Variants in RSPH14 observed in about 807,000 individuals in gnomAD.
RSPH14 encodes radial spoke head 14 homolog.
In RSPH14, 20 loss-of-function variants were observed where a neutral mutation model predicts 26.7. The ratio of observed to expected loss-of-function variants is 0.75; its 90% CI spans 0.53 to 1.09. The LOEUF (loss-of-function observed/expected upper bound fraction) is 1.09. Ranked by LOEUF, RSPH14 falls within the 50% of genes least tolerant of loss-of-function variation. The pLI is 0.00. For synonymous variants in RSPH14, 177 were observed against 189.3 expected (o/e 0.93, Z 0.53); for missense variants, 449 against 457.2 (o/e 0.98, Z 0.16).
At chr22:23,068,607 GGAC>G in intron 4 of RSPH14, among the ~76,000 whole-genome samples, 1 of 152,340 alleles carries the variant, frequency 6.6e-6, no homozygotes, top group Non-Finnish European at 1.5e-5. Context: ...CCTCTGCTCT[GGAC>G]CACTGGAAAG....
chr22:23,167,441 T>G, the RSPH14 span, among the ~76,000 whole-genome samples: 1 of 152,148 alleles, frequency 6.6e-6, no homozygotes, highest in East Asian at 1.9e-4. Context: ...CCCTGTCCCC[T>G]GGGTGCCTGC....
chr22:23,139,738 C>G (rs900447258), intron 2 of RSPH14, among the ~76,000 whole-genome samples: 6 of 152,224 alleles, frequency 3.9e-5, no homozygotes, highest in African/African-American at 1.4e-4. Context: ...TGAGAATGGA[C>G]TCTCCCCTGT....
At chr22:23,095,441 G>A (rs2069097116) in intron 4 of RSPH14, 3 of 513,416 alleles carry the variant, frequency 5.8e-6, no homozygotes, top group Admixed American at 7.2e-5. Flanking sequence ...GGCAAATCAG[G>A]CCACTTTGCC....
At chr22:23,157,635 A>G in the RSPH14 span, among the ~76,000 whole-genome samples, 4 of 152,166 alleles carry the variant, frequency 2.6e-5, no homozygotes, top group Admixed American at 2.0e-4. Flanking sequence ...CGTCCTCGCC[A>G]TTTTACAGGT....
At chr22:23,086,683 A>G (rs973011104) in intron 4 of RSPH14, among the ~76,000 whole-genome samples, 1 of 152,228 alleles carries the variant, frequency 6.6e-6, no homozygotes, top group African/African-American at 2.4e-5. Flanking sequence ...ATGTGTGGAA[A>G]TGGCTCCATG....
At chr22:23,076,008 C>T (rs1452632861) in intron 4 of RSPH14, among the ~76,000 whole-genome samples, 2 of 152,138 alleles carry the variant, frequency 1.3e-5, no homozygotes, top group Admixed American at 1.3e-4. Flanking sequence ...GTCTGGGCAG[C>T]CCCGCATCTG....
intron 4 of RSPH14, 88 bp from the exon 5 acceptor site, chr22:23,064,221 T>C (rs1475100226): frequency 4.8e-6 from 6 of 1,247,172 alleles, no homozygotes; most frequent in Non-Finnish European, 6.9e-6. Flanking sequence ...AGGAGGGTCT[T>C]GCAGAACCAG....
the RSPH14 span, among the ~76,000 whole-genome samples, chr22:23,168,662 C>T: frequency 6.6e-5 from 10 of 152,206 alleles, no homozygotes; most frequent in Middle Eastern, 3.2e-3. Context: ...GTATGACTGT[C>T]ACATGCTCCT....
Position 23,115,002 on chromosome 22 carries a change from G to T in RSPH14, c.421+19024C>A, listed in dbSNP as rs74754100. ...CATCTGTGTCCCAGGGATGATGCTG[G>T]TTCCAGGAAGAGCTGAAACCTTAAT... is the stretch of plus-strand genomic sequence containing the variant. On this transcript the variant is annotated intron_variant, in intron 4 of 6. Coordinates refer to ENST00000216036, the MANE Select transcript of RSPH14 (RefSeq NM_014433.3). Among the ~76,000 whole-genome samples the T allele has an allele frequency of 3.3e-3, 504 of 152,330 alleles. 3 individuals carry two copies. The highest frequency in any genetic ancestry group is 0.012 in the African/African-American group (480 of 41,574).
At chr22:23,104,815 CCCT>C (rs962917576) in intron 4 of RSPH14, among the ~76,000 whole-genome samples, 7 of 152,198 alleles carry the variant, frequency 4.6e-5, no homozygotes, top group African/African-American at 1.4e-4. Context: ...GGATGCATAG[CCCT>C]CTTCACCTGA....
At chr22:23,069,654 C>T (rs573056175) in intron 4 of RSPH14, among the ~76,000 whole-genome samples, 1 of 152,296 alleles carries the variant, frequency 6.6e-6, no homozygotes, top group Admixed American at 6.5e-5. Flanking sequence ...CAAGGCCACC[C>T]TTCCGTGTGC....
At chr22:23,179,546 G>A in the RSPH14 span, among the ~76,000 whole-genome samples, 11 of 152,226 alleles carry the variant, frequency 7.2e-5, no homozygotes, top group Non-Finnish European at 1.2e-4. Flanking sequence ...GGGAAGTTCT[G>A]AGTCAGGTCG....
At chr22:23,072,894 G>A (rs1343778554) in intron 4 of RSPH14, among the ~76,000 whole-genome samples, 1 of 152,212 alleles carries the variant, frequency 6.6e-6, no homozygotes, top group African/African-American at 2.4e-5. Context: ...TCTCAGTCTG[G>A]CCCTCAGGAG....
At chr22:23,095,055 G>A (rs2069084120) in intron 4 of RSPH14, among the ~76,000 whole-genome samples, 2 of 152,230 alleles carry the variant, frequency 1.3e-5, no homozygotes, top group African/African-American at 4.8e-5. Context: ...CCAGGCAACA[G>A]CAGACATATG....
At position 23,061,797 on chromosome 22, in the gene RSPH14, C is replaced by G. The variant is rs775160616; in HGVS notation, c.790+12G>C. On this transcript the variant is annotated intron_variant, in intron 6 of 6. Transcript: ENST00000216036. ...AGGGTCTCCCTCCCTGCGGCACCCC[C>G]CACCGCCTCACCTTCAGTGATCACT... is the stretch of plus-strand genomic sequence containing the variant. The G allele has an allele frequency of 1.2e-6, 2 of 1,613,790 alleles. No homozygotes were observed. Among genetic ancestry groups the G allele is most frequent in the South Asian group, 2.2e-5 (2 of 91,072 alleles).
chr22:23,131,582 C>T, intron 4 of RSPH14: 1 of 1,299,178 alleles, frequency 7.7e-7, no homozygotes, highest in Non-Finnish European at 1.0e-6. Flanking sequence ...TTAAATAGGT[C>T]ACAATCATTG....
the RSPH14 span, among the ~76,000 whole-genome samples, chr22:23,158,295 G>A: frequency 6.6e-6 from 1 of 152,206 alleles, no homozygotes; most frequent in Non-Finnish European, 1.5e-5. Context: ...TGCTCAGAGG[G>A]GCCCCAACCT....
chr22:23,174,797 C>T, the RSPH14 span, among the ~76,000 whole-genome samples: 5 of 151,704 alleles, frequency 3.3e-5, no homozygotes, highest in Non-Finnish European at 5.9e-5. Context: ...GGAGAAACCC[C>T]GTTTCTACTA....
At chr22:23,118,476 C>T (rs971965212) in intron 4 of RSPH14, among the ~76,000 whole-genome samples, 3 of 149,596 alleles carry the variant, frequency 2.0e-5, no homozygotes, top group African/African-American at 4.9e-5. Context: ...TTCCCCGCCC[C>T]GCCCCACCCC....
Sources: allele counts gnomAD v4.1 joint callset (sites outside exome capture counted in the v4.1 genomes callset), GRCh38; gene constraint gnomAD v4.1.1; transcripts MANE v1.5; gene names NCBI Gene and HGNC (gene_info 2026-07-23, HGNC 2026-07-21).